Variants in MYO10 observed in about 807,000 individuals in gnomAD.
The protein encoded by MYO10 is unconventional myosin-X.
MYO10 carries 133 observed loss-of-function variants against 257.3 expected under a neutral mutation model. The observed-to-expected ratio is 0.52, with a 90% confidence interval of 0.45 to 0.60. The LOEUF (loss-of-function observed/expected upper bound fraction) is 0.60. Among genes scored for constraint, MYO10 ranks in the 20% least tolerant of loss-of-function variants. MYO10 has a pLI of 0.00. For missense variants in MYO10, 2,399 were observed against 2,635.7 expected (o/e 0.91, Z 1.97); for synonymous variants, 1,104 against 1,028.6 (o/e 1.07, Z -1.40).
At chr5:16,763,403 GTTA>G in intron 14 of MYO10, 75 bp downstream of exon 14, 7 of 1,125,310 alleles carry the variant, frequency 6.2e-6, no homozygotes, top group Non-Finnish European at 9.4e-6. Flanking sequence ...GTTCGTGCAC[GTTA>G]TTTTGTTCCC....
At chr5:16,931,251 A>G (rs969949053) in intron 1 of MYO10, among the ~76,000 whole-genome samples, 1 of 152,146 alleles carries the variant, frequency 6.6e-6, no homozygotes, top group African/African-American at 2.4e-5. Flanking sequence ...AGCCTGGGCA[A>G]CAAGAGCAAA....
At chr5:16,893,990 T>C (rs1745151312) in intron 1 of MYO10, among the ~76,000 whole-genome samples, 1 of 152,194 alleles carries the variant, frequency 6.6e-6, no homozygotes, top group Admixed American at 6.5e-5. Context: ...GCATTGTCAT[T>C]AAGTTGTTAA....
chr5:16,694,461 C>A lies in MYO10; in HGVS notation c.3710G>T (p.Arg1237Leu). ...CTTGGACTGGCGGAGGACAAACCAG[C>A]GCTTCTTCCAATTTCTCCTGGACAG... ...STLSRRNWKK[R>L]WFVLRQSKLM... Residue 1237 changes from arginine (R) to leucine (L), a missense_variant, in exon 27 of 41, where the codon CGC (arginine) becomes CTC (leucine). This residue lies in a region of MYO10 where 1,820 missense variants were observed against 1,939.4 expected (regional missense o/e 0.94). Transcript: ENST00000513610. 1 of 1,614,042 alleles carries A rather than the reference C, an allele frequency of 6.2e-7. No individual in the cohort carries two copies. The highest frequency in any genetic ancestry group is 8.5e-7 in the Non-Finnish European group (1 of 1,179,896).
intron 2 of MYO10, among the ~76,000 whole-genome samples, chr5:16,871,155 A>C (rs253314): frequency 0.066 from 10,069 of 152,248 alleles, 948 homozygotes; most frequent in African/African-American, 0.21. Flanking sequence ...AACTGAAACA[A>C]TATCCCCATT....
intron 19 of MYO10, among the ~76,000 whole-genome samples, chr5:16,712,270 T>G (rs1738655363): frequency 6.6e-6 from 1 of 152,178 alleles, no homozygotes; most frequent in Admixed American, 6.5e-5. Flanking sequence ...AACACACAAA[T>G]TAAAGACAGA....
At chr5:16,860,655 A>C (rs1744080977) in intron 2 of MYO10, among the ~76,000 whole-genome samples, 1 of 152,128 alleles carries the variant, frequency 6.6e-6, no homozygotes, top group East Asian at 1.9e-4. Flanking sequence ...TGGGAGAAGG[A>C]AGGAAGAGAT....
At chr5:16,919,884 G>A in intron 1 of MYO10, among the ~76,000 whole-genome samples, 1 of 152,120 alleles carries the variant, frequency 6.6e-6, no homozygotes, top group East Asian at 1.9e-4. Context: ...TGGCTAAGGT[G>A]GGTGGATCAC....
intron 30 of MYO10, 107 bp downstream of exon 30, chr5:16,683,773 G>C: frequency 3.6e-6 from 4 of 1,103,314 alleles, no homozygotes; most frequent in Non-Finnish European, 5.4e-6. Context: ...ACACAGCCTT[G>C]CGTGATTTCA....
chr5:16,678,950 G>C (rs1736857302), intron 33 of MYO10, among the ~76,000 whole-genome samples: 1 of 152,182 alleles, frequency 6.6e-6, no homozygotes, highest in Admixed American at 6.5e-5. Context: ...AGTGCAACCA[G>C]AACATCCCCC....
chr5:16,794,402 A>G (rs961724092), intron 4 of MYO10, among the ~76,000 whole-genome samples: 6 of 146,562 alleles, frequency 4.1e-5, no homozygotes, highest in African/African-American at 1.0e-4. Context: ...AAAAAAAAAA[A>G]AGGAACAGAA....
chr5:16,776,803 A>G (rs1432915332), intron 9 of MYO10, among the ~76,000 whole-genome samples: 1 of 152,244 alleles, frequency 6.6e-6, no homozygotes, highest in Admixed American at 6.5e-5. Context: ...CCTTCCCAGG[A>G]CAAGGGAGCT....
chr5:16,906,861 G>A (rs983922434), intron 1 of MYO10, among the ~76,000 whole-genome samples: 2 of 151,920 alleles, frequency 1.3e-5, no homozygotes, highest in Non-Finnish European at 2.9e-5. Context: ...CCTGTAATCC[G>A]AGCACTTTGG....
chr5:16,806,850 C>T (rs1560994773), intron 3 of MYO10, among the ~76,000 whole-genome samples: 1 of 152,078 alleles, frequency 6.6e-6, no homozygotes, highest in African/African-American at 2.4e-5. Flanking sequence ...TGCTTCACTC[C>T]CCCGGGACTA....
At chr5:16,841,346 A>G (rs562850542) in intron 2 of MYO10, among the ~76,000 whole-genome samples, 2 of 152,256 alleles carry the variant, frequency 1.3e-5, no homozygotes, top group South Asian at 2.1e-4. Flanking sequence ...ACGCCCATTA[A>G]AAGTTCTGTA....
At chr5:16,837,998 G>T in intron 2 of MYO10, among the ~76,000 whole-genome samples, 1 of 152,162 alleles carries the variant, frequency 6.6e-6, no homozygotes, top group South Asian at 2.1e-4. Flanking sequence ...ATACAAGACA[G>T]TGAACCTAAT....
In MYO10 at chr5:16,758,248, G is replaced by A. The variant is rs374457938; in HGVS notation, c.1740-22C>T. ...AAATCTGTGTGAGGCAAGAGCAGGA[G>A]GTCAGTGAGGCACACACACCCATTA... is the stretch of plus-strand genomic sequence containing the variant. On this transcript the variant is annotated intron_variant, in intron 17 of 40. Transcript: ENST00000513610. 51 of 1,498,468 alleles carry A rather than the reference G, an allele frequency of 3.4e-5. No individual in the cohort carries two copies. In the African/African-American group the frequency reaches 5.4e-4, roughly 16 times the overall value. The allele number at this position is 1,498,468 out of a possible 1,614,324, so 92.8% of individuals were successfully genotyped here.
chr5:16,708,685 G>A (rs538768183), intron 21 of MYO10, among the ~76,000 whole-genome samples: 3 of 152,208 alleles, frequency 2.0e-5, no homozygotes, highest in Admixed American at 1.3e-4. Context: ...CTCTAGCCAC[G>A]CGAGTAGCTG....
chr5:16,724,201 A>G (rs1739265919), intron 19 of MYO10, among the ~76,000 whole-genome samples: 1 of 152,236 alleles, frequency 6.6e-6, no homozygotes, highest in Admixed American at 6.5e-5. Context: ...TAGAGTCTAT[A>G]AGACTAAAAG....
intron 1 of MYO10, among the ~76,000 whole-genome samples, chr5:16,907,766 T>G (rs909861270): frequency 5.9e-5 from 9 of 152,250 alleles, no homozygotes; most frequent in African/African-American, 2.2e-4. Flanking sequence ...AAGAAATCTA[T>G]GCTTTGGCAT....
Sources: allele counts gnomAD v4.1 joint callset (sites outside exome capture counted in the v4.1 genomes callset), GRCh38; gene constraint gnomAD v4.1.1; regional missense constraint gnomAD v4.1.1; transcripts MANE v1.5; gene names NCBI Gene and HGNC (gene_info 2026-07-23, HGNC 2026-07-21).